Variants in CCR7 observed in about 807,000 individuals in gnomAD.
CCR7 encodes C-C chemokine receptor type 7.
In CCR7, 11 loss-of-function variants were observed where a neutral mutation model predicts 26.0. The observed-to-expected ratio is 0.42, with a 90% CI of 0.27 to 0.70. CCR7 has a LOEUF of 0.70. Among genes scored for constraint, CCR7 ranks in the 30% least tolerant of loss-of-function variants. CCR7 has a pLI of 0.23. For synonymous variants in CCR7, 189 were observed against 202.1 expected (o/e 0.94, Z 0.55); for missense variants, 360 against 504.0 (o/e 0.71, Z 2.74).
At position 40,555,256 on chromosome 17, in the gene CCR7, A is replaced by G. The variant is rs1168897832; in HGVS notation, c.623T>C (p.Met208Thr). 6.2e-7 allele frequency: 1 copy of G among 1,614,200 alleles called. No homozygotes were observed. The highest frequency in any genetic ancestry group is 1.7e-5 in the Admixed American group (1 of 60,034). Residue 208 changes from methionine to threonine, a missense_variant, in exon 3 of 3, where the codon ATG (methionine) becomes ACG (threonine). Physicochemically the swap from Met to Thr is moderately conservative, Grantham distance 81. Coordinates refer to ENST00000246657, the MANE Select transcript of CCR7 (RefSeq NM_001838.4). This position sits in a 1 kb window ranked among gnomAD's most constrained non-coding sequence, Gnocchi z 5.6. ...DLQRSSSEQA[M>T]RCSLITEHVE... ...ATGCTCTGTGATGAGAGAGCATCGC[A>G]TCGCTTGCTCACTGCTGCTCCTCTG...
In CCR7 at chr17:40,555,282, G is replaced by A. The variant is rs938974954; in HGVS notation, c.597C>T (p.Leu199=). 3.1e-6 allele frequency: 5 copies of A among 1,614,148 alleles called. No individual in the cohort carries two copies. Among genetic ancestry groups the A allele is most frequent in the Non-Finnish European group, 3.4e-6 (4 of 1,180,016 alleles). ...TCGCTTGCTCACTGCTGCTCCTCTGGAGGTCACTGTACAGGAGCTCTGGGA... is the reference window on the plus strand; with the variant it reads ...TCGCTTGCTCACTGCTGCTCCTCTGAAGGTCACTGTACAGGAGCTCTGGGA... The part of the protein sequence containing the change: ...LSIPELLYSD[L]QRSSSEQAMR... The change falls in exon 3 of 3, where the codon CTC becomes CTT. Residue 199 remains leucine, a synonymous_variant. Coordinates refer to ENST00000246657, the MANE Select transcript of CCR7 (RefSeq NM_001838.4). The surrounding 1 kb of genome is among the most constrained non-coding windows in gnomAD (Gnocchi z 5.6).
rs924487827 is a variant in CCR7, at chr17:40,554,172, G to C, written c.*570C>G. 2 of 152,796 alleles carry C rather than the reference G, an allele frequency of 1.3e-5. No homozygotes were observed. Among genetic ancestry groups the C allele is most frequent in the Non-Finnish European group, 2.9e-5 (2 of 68,552 alleles). 9.5% of individuals were successfully genotyped at this position (152,796 alleles called of 1,614,324 possible). ...GGGATGAGTGTGCTTTTAGGGCGGC[G>C]TGGCAGCTGCCATTCCCGCTGGCTT... On this transcript the variant is annotated 3_prime_UTR_variant, in exon 3 of 3. Transcript: ENST00000246657.
In CCR7 at chr17:40,554,836, C is replaced by T. The variant is rs780990133; in HGVS notation, c.1043G>A (p.Ser348Asn). The T allele has an allele frequency of 9.3e-6, 15 of 1,614,204 alleles. No homozygotes were observed. Among genetic ancestry groups the T allele is most frequent in the Non-Finnish European group, 1.3e-5 (15 of 1,180,042 alleles). The change falls in exon 3 of 3, where the codon AGC (serine) becomes AAC (asparagine). Residue 348 changes from serine (S) to asparagine (N), a missense_variant. Physicochemically the swap from Ser to Asn is conservative, Grantham distance 46 (BLOSUM62 1). Coordinates refer to ENST00000246657, the MANE Select transcript of CCR7 (RefSeq NM_001838.4). ...AGACCACTGCCGGAGCTGCTCCTGG[C>T]TGAGGCAGCCCAGGTCCTTGAAGAG... ...FKLFKDLGCL[S>N]QEQLRQWSSC...
At chr17:40,559,394 T>C (rs1253862312) in intron 1 of CCR7, among the ~76,000 whole-genome samples, 2 of 152,232 alleles carry the variant, frequency 1.3e-5, no homozygotes, top group Non-Finnish European at 2.9e-5. Flanking sequence ...GCTTTGGTGC[T>C]GGTAGCCACT....
intron 2 of CCR7, among the ~76,000 whole-genome samples, chr17:40,558,325 C>A (rs1439452499): frequency 6.6e-6 from 1 of 152,144 alleles, no homozygotes; most frequent in African/African-American, 2.4e-5. Context: ...CGAGTTCAGG[C>A]CTGCTATAAA....
chr17:40,554,757 G>A lies in CCR7; in HGVS notation c.1122C>T (p.Thr374=), dbSNP rs1459519102. 2 of 1,609,426 alleles carry A rather than the reference G, an allele frequency of 1.2e-6. No homozygotes were observed. Among genetic ancestry groups the A allele is most frequent in the Admixed American group, 3.4e-5 (2 of 59,660 alleles). Residue 374 remains threonine (T), a synonymous_variant, in exon 3 of 3, where the codon ACC becomes ACT. Transcript: ENST00000246657. Reference sequence around the variant, plus strand: ...GAAGAGTCGCCTATGGGGAGAAGGTGGTGGTGGTCTCGGCCTCCACACTCA... The same window carrying A: ...GAAGAGTCGCCTATGGGGAGAAGGTAGTGGTGGTCTCGGCCTCCACACTCA... ...SSMSVEAETT[T]TFSP
chr17:40,565,393 C>T lies in CCR7; in HGVS notation c.10+7G>A. The T allele has an allele frequency of 6.2e-7, 1 of 1,612,766 alleles. No individual in the cohort carries two copies. Among genetic ancestry groups the T allele is most frequent in the Non-Finnish European group, 8.5e-7 (1 of 1,178,748 alleles). On this transcript the variant is annotated splice_region_variant and intron_variant, in intron 1 of 2. Transcript: ENST00000246657. ...CTGTTCCTTCTCACATGAAGAGGCTCACTCACCCAGGTCCATGACGCTCTC... is the reference window on the plus strand; with the variant it reads ...CTGTTCCTTCTCACATGAAGAGGCTTACTCACCCAGGTCCATGACGCTCTC...
chr17:40,555,247 G>C lies in CCR7; in HGVS notation c.632C>G (p.Ser211Cys). ...GGCCTCCACATGCTCTGTGATGAGA[G>C]AGCATCGCATCGCTTGCTCACTGCT... is the stretch of plus-strand genomic sequence containing the variant. ...RSSSEQAMRC[S>C]LITEHVEAFI... The change falls in exon 3 of 3, where the codon TCT (serine) becomes TGT (cysteine). Residue 211 changes from serine (S) to cysteine (C), a missense_variant. Ser to Cys is a moderately radical substitution (Grantham distance 112). Coordinates refer to ENST00000246657, the MANE Select transcript of CCR7 (RefSeq NM_001838.4). The surrounding 1 kb of genome is among the most constrained non-coding windows in gnomAD (Gnocchi z 5.6). The C allele has an allele frequency of 1.2e-6, 2 of 1,614,196 alleles. No individual in the cohort carries two copies. The highest frequency in any genetic ancestry group is 1.7e-6 in the Non-Finnish European group (2 of 1,180,020).
At chr17:40,561,813 G>C (rs1358921316) in intron 1 of CCR7, among the ~76,000 whole-genome samples, 2 of 151,920 alleles carry the variant, frequency 1.3e-5, no homozygotes, top group Admixed American at 1.3e-4. Context: ...TTTTGGATAA[G>C]GGAGGCAGAG....
chr17:40,559,205 A>G lies in CCR7; in HGVS notation c.11-263T>C, dbSNP rs1597723969. 2.6e-5 allele frequency among the ~76,000 whole-genome samples: 4 copies of G among 151,870 alleles called. No homozygotes were observed. In the East Asian group the frequency reaches 5.8e-4, roughly 22 times the overall value. Reference sequence around the variant, plus strand: ...ATCAGAATGCAGGGCAGCCCCTCCCACCCCCTGTCTTGGCCCATCTGGGCT... The same window carrying G: ...ATCAGAATGCAGGGCAGCCCCTCCCGCCCCCTGTCTTGGCCCATCTGGGCT... On this transcript the variant is annotated intron_variant, in intron 1 of 2. Transcript: ENST00000246657.
At position 40,554,523 on chromosome 17, in the gene CCR7, T is replaced by C. The variant is rs999620413; in HGVS notation, c.*219A>G. The C allele has an allele frequency of 3.8e-5, 22 of 577,854 alleles. No individual in the cohort carries two copies. Among genetic ancestry groups the C allele is most frequent in the Non-Finnish European group, 6.4e-5 (21 of 326,586 alleles). The allele number at this position is 577,854 out of a possible 1,614,324, so 35.8% of individuals were successfully genotyped here. The stretch of plus-strand genomic sequence containing the variant: ...CCTCTGTTTCCCAGTGTTGTCTGTC[T>C]GGTGTTAGCTTATCAGCCCTGTCTT... On this transcript the variant is annotated 3_prime_UTR_variant, in exon 3 of 3. Transcript: ENST00000246657.
In CCR7 at chr17:40,555,212, T is replaced by G. The variant is rs909712800; in HGVS notation, c.667A>C (p.Ile223Leu). 1 of 1,613,886 alleles carries G rather than the reference T, an allele frequency of 6.2e-7. No homozygotes were observed. Among genetic ancestry groups the G allele is most frequent in the African/African-American group, 1.3e-5 (1 of 74,892 alleles). Reference protein sequence around the residue: ...ITEHVEAFITIQVAQMVIGFL... With the variant: ...ITEHVEAFITLQVAQMVIGFL... Reference sequence around the variant, plus strand: ...CCGATCACCATCTGGGCCACCTGGATGGTGATAAAGGCCTCCACATGCTCT... The same window carrying G: ...CCGATCACCATCTGGGCCACCTGGAGGGTGATAAAGGCCTCCACATGCTCT... Residue 223 changes from isoleucine (I) to leucine (L), a missense_variant, in exon 3 of 3, where the codon ATC becomes CTC. Transcript: ENST00000246657. The surrounding 1 kb of genome is among the most constrained non-coding windows in gnomAD (Gnocchi z 5.6).
At chr17:40,559,796 A>T (rs984875872) in intron 1 of CCR7, among the ~76,000 whole-genome samples, 4 of 152,174 alleles carry the variant, frequency 2.6e-5, no homozygotes, top group Non-Finnish European at 4.4e-5. Context: ...CAAGTAAACG[A>T]ATGCCTGTCC....
chr17:40,564,321 G>T (rs2036685015), intron 1 of CCR7, among the ~76,000 whole-genome samples: 2 of 152,218 alleles, frequency 1.3e-5, no homozygotes, highest in South Asian at 4.1e-4. Flanking sequence ...TTTCACAGCT[G>T]TTTGCTGGGT....
chr17:40,564,355 C>G (rs546817106), intron 1 of CCR7, among the ~76,000 whole-genome samples: 4 of 152,110 alleles, frequency 2.6e-5, no homozygotes, highest in Non-Finnish European at 5.9e-5. Context: ...TCAGGGCAGG[C>G]GGGAAAGTAA....
chr17:40,554,675 C>T lies in CCR7; in HGVS notation c.*67G>A. On this transcript the variant is annotated 3_prime_UTR_variant, in exon 3 of 3. Coordinates refer to ENST00000246657, the MANE Select transcript of CCR7 (RefSeq NM_001838.4). ...GGCGGGGGGATGTCCTGAGTCATTG[C>T]ATCTGCTCCCTATCCCCACCCCAGG... is the stretch of plus-strand genomic sequence containing the variant. The T allele has an allele frequency of 7.9e-7, 1 of 1,257,872 alleles. No individual in the cohort carries two copies. Among genetic ancestry groups the T allele is most frequent in the Non-Finnish European group, 1.1e-6 (1 of 895,676 alleles). 77.9% of individuals were successfully genotyped at this position (1,257,872 alleles called of 1,614,324 possible).
At chr17:40,563,936 T>C (rs1465938119) in intron 1 of CCR7, among the ~76,000 whole-genome samples, 1 of 152,066 alleles carries the variant, frequency 6.6e-6, no homozygotes, top group East Asian at 1.9e-4. Context: ...GGACTTTCCC[T>C]CCACCCTGGA....
At chr17:40,565,179 G>A (rs2036696309) in intron 1 of CCR7, among the ~76,000 whole-genome samples, 1 of 152,046 alleles carries the variant, frequency 6.6e-6, no homozygotes, top group Non-Finnish European at 1.5e-5. Context: ...TGGCACCAAA[G>A]GCTGACCCCT....
At chr17:40,559,088 T>C (rs1034421857) in intron 1 of CCR7, 146 bp from the exon 2 acceptor site, 7 of 661,844 alleles carry the variant, frequency 1.1e-5, no homozygotes, top group Non-Finnish European at 1.6e-5. Context: ...CAGAACCAGA[T>C]TGTGCCTTTG....
Sources: allele counts gnomAD v4.1 joint callset (sites outside exome capture counted in the v4.1 genomes callset), GRCh38; gene constraint gnomAD v4.1.1; non-coding constraint Gnocchi (gnomAD v3.1); transcripts MANE v1.5; gene names NCBI Gene and HGNC (gene_info 2026-07-23, HGNC 2026-07-21).